KCNMA1: variants seen among roughly 807,000 people sequenced by gnomAD.
KCNMA1 encodes Calcium-activated potassium channel subunit alpha-1.
A neutral mutation model predicts 140.0 loss-of-function variants in KCNMA1; 29 were observed. That is an observed-to-expected ratio of 0.21 (90% CI 0.15 to 0.28). KCNMA1 has a LOEUF of 0.28. Ranked by LOEUF, KCNMA1 falls within the 10% of genes least tolerant of loss-of-function variation. The pLI is 1.00. For synonymous variants in KCNMA1, 612 were observed against 611.9 expected, an observed-to-expected ratio of 1.00 and a Z score of 0.00; for missense variants, 880 against 1,602.2, an observed-to-expected ratio of 0.55 and a Z score of 7.70.
chr10:77,085,053 A>G (rs754533286), intron 11 of KCNMA1, among the ~76,000 whole-genome samples: 16 of 152,072 alleles, frequency 1.1e-4, no homozygotes, highest in South Asian at 4.2e-4. Flanking sequence ...TCCTTTCTCA[A>G]CCATCTGCAC....
intron 14 of KCNMA1, among the ~76,000 whole-genome samples, chr10:77,041,161 T>TCACCATG (rs1565721651): frequency 2.4e-3 from 7 of 2,946 alleles, no homozygotes; most frequent in East Asian, 4.4e-3. Flanking sequence ...CTTTTTTTTT[T>TCACCATG]TTTTTTTTTT....
intron 10 of KCNMA1, among the ~76,000 whole-genome samples, chr10:77,089,403 C>T (rs2096765517): frequency 6.6e-6 from 1 of 152,136 alleles, no homozygotes; most frequent in Admixed American, 6.5e-5. Context: ...AGCCCCATCT[C>T]CATAAAAGAA....
chr10:77,277,545 G>A (rs372682099), intron 2 of KCNMA1, among the ~76,000 whole-genome samples: 7 of 152,176 alleles, frequency 4.6e-5, no homozygotes, highest in East Asian at 1.9e-4. Context: ...CAGCACCCAA[G>A]CTCTGCCACA....
At chr10:77,382,903 T>C (rs71492186) in intron 2 of KCNMA1, among the ~76,000 whole-genome samples, 29,056 of 91,956 alleles carry the variant, frequency 0.32, 6,324 homozygotes, top group African/African-American at 0.5. Context: ...TATATATATA[T>C]ACACACACAC....
chr10:77,190,905 T>C (rs1334742399), intron 3 of KCNMA1, among the ~76,000 whole-genome samples: 2 of 152,130 alleles, frequency 1.3e-5, no homozygotes, highest in Admixed American at 6.6e-5. Context: ...CCCTCTCCTA[T>C]TCTAGGAGAA....
chr10:77,596,484 AC>A (rs1178188405), intron 1 of KCNMA1, among the ~76,000 whole-genome samples: 1 of 152,192 alleles, frequency 6.6e-6, no homozygotes, highest in East Asian at 1.9e-4. Flanking sequence ...TGAAAAGTCT[AC>A]CCCAAAGTTT....
chr10:77,360,421 T>C (rs2093846351), intron 2 of KCNMA1, among the ~76,000 whole-genome samples: 1 of 152,150 alleles, frequency 6.6e-6, no homozygotes, highest in Admixed American at 6.5e-5. Context: ...GGTTTCCCAG[T>C]CTTTCCAGGC....
At chr10:77,124,268 T>C (rs2097687344) in intron 5 of KCNMA1, among the ~76,000 whole-genome samples, 2 of 152,214 alleles carry the variant, frequency 1.3e-5, no homozygotes, top group Non-Finnish European at 2.9e-5. Flanking sequence ...ATGGTGTTTG[T>C]ATCGTATATC....
At chr10:77,532,507 AC>A (rs1269806927) in intron 1 of KCNMA1, among the ~76,000 whole-genome samples, 1 of 152,098 alleles carries the variant, frequency 6.6e-6, no homozygotes, top group East Asian at 1.9e-4. Context: ...TTTTTCCCAG[AC>A]TTTTTCACTC....
intron 19 of KCNMA1, chr10:76,995,348 A>G (rs2083935116): frequency 3.1e-6 from 1 of 321,752 alleles, no homozygotes; most frequent in South Asian, 2.7e-5. Context: ...CCCCAGACCC[A>G]TAAAGCCTAA....
intron 1 of KCNMA1, among the ~76,000 whole-genome samples, chr10:77,538,695 C>T (rs1411662671): frequency 6.6e-6 from 1 of 152,170 alleles, no homozygotes; most frequent in East Asian, 1.9e-4. Context: ...ACCCCCTCCC[C>T]CACCTTGGTC....
At chr10:77,435,429 G>C (rs899802850) in intron 1 of KCNMA1, among the ~76,000 whole-genome samples, 11 of 152,184 alleles carry the variant, frequency 7.2e-5, no homozygotes, top group African/African-American at 2.4e-4. Context: ...AATGGGGGCT[G>C]TTCTGTGCCT....
At chr10:77,329,077 T>G (rs1467184341) in intron 2 of KCNMA1, among the ~76,000 whole-genome samples, 1 of 152,128 alleles carries the variant, frequency 6.6e-6, no homozygotes, top group African/African-American at 2.4e-5. Context: ...CCTGACCTTG[T>G]GATCCCCCTG....
chr10:77,301,709 G>A (rs1456672086), intron 2 of KCNMA1, among the ~76,000 whole-genome samples: 1 of 151,778 alleles, frequency 6.6e-6, no homozygotes, highest in Non-Finnish European at 1.5e-5. Flanking sequence ...CGCCCCGGAG[G>A]TGGGTAAGCA....
At chr10:77,406,721 T>C (rs2096484422) in intron 1 of KCNMA1, among the ~76,000 whole-genome samples, 1 of 152,082 alleles carries the variant, frequency 6.6e-6, no homozygotes, top group South Asian at 2.1e-4. Context: ...TGTTTCAATA[T>C]TGGACATTGG....
At chr10:77,331,035 A>G (rs2086197653) in intron 2 of KCNMA1, among the ~76,000 whole-genome samples, 1 of 152,156 alleles carries the variant, frequency 6.6e-6, no homozygotes, top group African/African-American at 2.4e-5. Flanking sequence ...GCCACACGGA[A>G]TCTAAACTAA....
At chr10:77,393,328 G>A (rs868061244) in intron 2 of KCNMA1, among the ~76,000 whole-genome samples, 4 of 152,258 alleles carry the variant, frequency 2.6e-5, no homozygotes, top group Middle Eastern at 3.4e-3. Flanking sequence ...CCCCTGACCC[G>A]TCTGTCTCCA....
At chr10:77,580,232 T>A (rs2075456885) in intron 1 of KCNMA1, among the ~76,000 whole-genome samples, 1 of 151,788 alleles carries the variant, frequency 6.6e-6, no homozygotes, top group African/African-American at 2.4e-5. Context: ...ATACAAAAAA[T>A]TAGCCGGGCG....
intron 2 of KCNMA1, among the ~76,000 whole-genome samples, chr10:77,256,557 G>C (rs146107965): frequency 0.014 from 2,173 of 152,306 alleles, 24 homozygotes; most frequent in South Asian, 0.038. Flanking sequence ...TAGCCCATTA[G>C]AACATATGTA....
Sources: allele counts gnomAD v4.1 joint callset (sites outside exome capture counted in the v4.1 genomes callset), GRCh38; gene constraint gnomAD v4.1.1; transcripts MANE v1.5; gene names NCBI Gene and HGNC (gene_info 2026-07-23, HGNC 2026-07-21).